The following DENND3 variants were observed in gnomAD, a reference collection of about 807,000 sequenced individuals.
DENND3 encodes the protein DENN domain containing 3.
DENND3 carries 88 observed loss-of-function variants against 135.1 expected under a neutral mutation model. That is an observed-to-expected ratio of 0.65 (90% CI 0.55 to 0.78). The LOEUF (loss-of-function observed/expected upper bound fraction) is 0.78, where lower values mean the gene tolerates loss of function less well. Ranked by LOEUF, DENND3 falls within the 30% of genes least tolerant of loss-of-function variation. The pLI is 0.00. For synonymous variants in DENND3, 693 were observed against 712.3 expected (o/e 0.97, Z 0.43); for missense variants, 1,392 against 1,688.4 (o/e 0.82, Z 3.08).
intron 7 of DENND3, among the ~76,000 whole-genome samples, chr8:141,153,696 G>A (rs2154612975): frequency 6.6e-6 from 1 of 152,382 alleles, no homozygotes; most frequent in South Asian, 2.1e-4. Context: ...CTCTGTGGAA[G>A]GAACGGAAAA....
chr8:141,176,896 C>T (rs1271694070), intron 15 of DENND3, 135 bp downstream of exon 15: 10 of 943,754 alleles, frequency 1.1e-5, no homozygotes, highest in East Asian at 2.5e-5. Context: ...GTAAGTTTGT[C>T]GGACACCATC....
At chr8:141,188,951 G>A in intron 18 of DENND3, 35 bp from the exon 19 acceptor site, 1 of 1,605,038 alleles carries the variant, frequency 6.2e-7, no homozygotes, top group Non-Finnish European at 8.5e-7. Flanking sequence ...TATCGAGACT[G>A]ACTGATTTCT....
rs1404529129 is a variant in DENND3, at chr8:141,130,222, A to G, written c.102+1413A>G. Reference sequence around the variant, plus strand: ...TTGCAGTGGTGCTTTCTTTTTTTCAATTTCTTTATTATTATTATTATGTTA... The same window carrying G: ...TTGCAGTGGTGCTTTCTTTTTTTCAGTTTCTTTATTATTATTATTATGTTA... On this transcript the variant is annotated intron_variant, in intron 1 of 22. Coordinates refer to ENST00000519811, the MANE Select transcript of DENND3 (RefSeq NM_001352890.3). This position sits in a 1 kb window ranked among gnomAD's most constrained non-coding sequence, Gnocchi z 4.2. 6.6e-6 allele frequency among the ~76,000 whole-genome samples: 1 copy of G among 151,914 alleles called. No individual in the cohort carries two copies. Among genetic ancestry groups the G allele is most frequent in the African/African-American group, 2.4e-5 (1 of 41,342 alleles).
chr8:141,132,603 T>A (rs1319170550), intron 1 of DENND3, among the ~76,000 whole-genome samples: 2 of 152,190 alleles, frequency 1.3e-5, no homozygotes, highest in Non-Finnish European at 2.9e-5. Flanking sequence ...GTGATCTACC[T>A]GCCTCAGCCT....
At chr8:141,145,853 A>ATATATATAT (rs1569555499) in intron 5 of DENND3, among the ~76,000 whole-genome samples, 1 of 85,836 alleles carries the variant, frequency 1.2e-5, no homozygotes, top group Non-Finnish European at 2.5e-5. Context: ...ATATATATGT[A>ATATATATAT]TTTTTTTTTT....
intron 1 of DENND3, chr8:141,129,686 C>T (rs1025573594): frequency 3.9e-5 from 6 of 152,238 alleles, no homozygotes; most frequent in Admixed American, 1.3e-4. Flanking sequence ...GTCCGTTCAT[C>T]TCTTTGCAGA....
rs373262471 is a variant in DENND3 at position 141,188,988 on chromosome 8, C to A, written c.3087C>A (p.Asn1029Lys). ...ACGTTCCCGTGGCCTCCTGTTAGAA[C>A]TGCATGGTGATGGCCGACCAGAACC... is the stretch of plus-strand genomic sequence containing the variant. ...HSFKVGTAKV[N>K]CMVMADQNQV... Residue 1029 changes from asparagine (N) to lysine (K), a missense_variant and splice_region_variant, in exon 19 of 23, where the codon AAC (asparagine) becomes AAA (lysine). Transcript: ENST00000519811. 1 of 1,613,210 alleles carries A rather than the reference C, an allele frequency of 6.2e-7. No individual in the cohort carries two copies. Among genetic ancestry groups the A allele is most frequent in the Non-Finnish European group, 8.5e-7 (1 of 1,179,722 alleles).
At chr8:141,145,174 A>G (rs565571732) in intron 5 of DENND3, among the ~76,000 whole-genome samples, 5 of 152,370 alleles carry the variant, frequency 3.3e-5, no homozygotes, top group African/African-American at 9.6e-5. Flanking sequence ...TCATTTATGT[A>G]GCAAGGGCCT....
intron 22 of DENND3, 56 bp from the exon 23 acceptor site, chr8:141,193,977 G>C (rs996656245): frequency 2.3e-5 from 36 of 1,572,294 alleles, no homozygotes; most frequent in South Asian, 2.3e-4. Flanking sequence ...GCAAAGCCCT[G>C]GTGCTCTTGG....
Position 141,130,724 on chromosome 8 carries a change from T to C in DENND3, c.102+1915T>C, listed in dbSNP as rs966784313. 7.2e-5 allele frequency among the ~76,000 whole-genome samples: 11 copies of C among 151,988 alleles called. No individual in the cohort carries two copies. The highest frequency in any genetic ancestry group is 2.7e-4 in the African/African-American group (11 of 41,430). ...TTTTTTGAGACAGAGTTTTGCTCTG[T>C]TGCCCAGGATGGAGTGCCATGGTGC... On this transcript the variant is annotated intron_variant, in intron 1 of 22. Transcript: ENST00000519811. This position sits in a 1 kb window ranked among gnomAD's most constrained non-coding sequence, Gnocchi z 4.2.
chr8:141,148,409 C>A (rs1000958128), intron 5 of DENND3, among the ~76,000 whole-genome samples: 4 of 152,196 alleles, frequency 2.6e-5, no homozygotes, highest in African/African-American at 7.2e-5. Flanking sequence ...GCTCACCTGC[C>A]TTTTCTTGCC....
In DENND3 at chr8:141,141,449, C is replaced by G; in HGVS notation, c.623+125C>G. On this transcript the variant is annotated intron_variant, in intron 4 of 22. Transcript: ENST00000519811. The surrounding 1 kb of genome is among the most constrained non-coding windows in gnomAD (Gnocchi z 5.3). ...GCTCTCTGTTCCTCTCCTGGTGAGCCGGGGGACCGGGCGCTGGGGGCAGTA... is the reference window on the plus strand; with the variant it reads ...GCTCTCTGTTCCTCTCCTGGTGAGCGGGGGGACCGGGCGCTGGGGGCAGTA... The G allele has an allele frequency of 5.5e-6, 6 of 1,083,832 alleles. No individual in the cohort carries two copies. The highest frequency in any genetic ancestry group is 3.5e-5 in the South Asian group (2 of 56,458). 67.1% of individuals were successfully genotyped at this position (1,083,832 alleles called of 1,614,324 possible). A position where few individuals can be genotyped will look rare whatever the true frequency, so the allele number is the denominator to read the frequency against.
chr8:141,181,634 G>A (rs1823116368), intron 17 of DENND3, among the ~76,000 whole-genome samples: 1 of 152,238 alleles, frequency 6.6e-6, no homozygotes, highest in Admixed American at 6.5e-5. Flanking sequence ...TGGCTGTCAT[G>A]TCGCACGTTG....
At chr8:141,161,793 G>A (rs1348484848) in intron 9 of DENND3, among the ~76,000 whole-genome samples, 1 of 148,800 alleles carries the variant, frequency 6.7e-6, no homozygotes, top group Non-Finnish European at 1.5e-5. Context: ...GGAAATTTGA[G>A]TGGCCTTTTT....
In DENND3 at chr8:141,190,585, T is replaced by C. The variant is rs563767436; in HGVS notation, c.3379+168T>C. ...GCAGCAACCTTTACTCCACCTGCAC[T>C]GCTGCTCCTGGGGGCTCCCCAGGCC... On this transcript the variant is annotated intron_variant, in intron 20 of 22. Coordinates refer to ENST00000519811, the MANE Select transcript of DENND3 (RefSeq NM_001352890.3). 3.7e-4 allele frequency: 392 copies of C among 1,073,716 alleles called. 1 individual carries two copies. Among genetic ancestry groups the C allele is most frequent in the Non-Finnish European group, 4.6e-4 (364 of 793,700 alleles). 66.5% of individuals were successfully genotyped at this position (1,073,716 alleles called of 1,614,324 possible).
At chr8:141,169,067 A>T (rs1360328415) in intron 13 of DENND3, among the ~76,000 whole-genome samples, 2 of 152,258 alleles carry the variant, frequency 1.3e-5, no homozygotes, top group Non-Finnish European at 2.9e-5. Flanking sequence ...CATGTTGGCC[A>T]GGCTGGTCTC....
In DENND3 at chr8:141,137,977, C is replaced by G; in HGVS notation, c.386-45C>G. The G allele has an allele frequency of 5.2e-6, 8 of 1,552,046 alleles. No individual in the cohort carries two copies. The highest frequency in any genetic ancestry group is 7.0e-6 in the Non-Finnish European group (8 of 1,145,542). ...AAATCAGCTCGTGGGTAACCCAGGC[C>G]ACTTGGCAAGAACAGGATTCTTCTC... On this transcript the variant is annotated intron_variant, in intron 2 of 22. Transcript: ENST00000519811. The surrounding 1 kb of genome is among the most constrained non-coding windows in gnomAD (Gnocchi z 4.1).
At chr8:141,161,077 C>T (rs1820076667) in intron 9 of DENND3, among the ~76,000 whole-genome samples, 1 of 149,286 alleles carries the variant, frequency 6.7e-6, no homozygotes, top group Non-Finnish European at 1.5e-5. Flanking sequence ...TACTACCTTA[C>T]TAACGCCCTC....
chr8:141,156,661 G>A (rs1208858248), intron 8 of DENND3, among the ~76,000 whole-genome samples: 1 of 152,152 alleles, frequency 6.6e-6, no homozygotes, highest in Non-Finnish European at 1.5e-5. Context: ...TGACAGGACA[G>A]CCATGGCCCC....
Sources: allele counts gnomAD v4.1 joint callset (sites outside exome capture counted in the v4.1 genomes callset), GRCh38; gene constraint gnomAD v4.1.1; non-coding constraint Gnocchi (gnomAD v3.1); transcripts MANE v1.5; gene names NCBI Gene and HGNC (gene_info 2026-07-23, HGNC 2026-07-21).